The following RGS6 variants were observed in gnomAD, a reference collection of about 807,000 sequenced individuals.
RGS6 encodes regulator of G protein signaling 6.
Under a neutral mutation model 78.5 loss-of-function variants are expected in RGS6, and 30 were observed. The ratio of observed to expected loss-of-function variants is 0.38; its 90% confidence interval spans 0.29 to 0.52. The LOEUF (loss-of-function observed/expected upper bound fraction) is 0.52. Ranked by LOEUF, RGS6 falls within the 20% of genes least tolerant of loss-of-function variation. RGS6 has a pLI of 0.85. For synonymous variants in RGS6, 206 were observed against 206.0 expected, an observed-to-expected ratio of 1.00 and a Z score of 0.00; for missense variants, 495 against 609.7, an observed-to-expected ratio of 0.81 and a Z score of 1.98.
At chr14:72,462,710 C>T (rs1177730520) in intron 6 of RGS6, among the ~76,000 whole-genome samples, 1 of 152,194 alleles carries the variant, frequency 6.6e-6, no homozygotes, top group Non-Finnish European at 1.5e-5. Context: ...ATAGAGGAAA[C>T]TCTGCACTGG....
At chr14:72,044,599 G>A (rs1022874666) in intron 2 of RGS6, among the ~76,000 whole-genome samples, 9 of 152,122 alleles carry the variant, frequency 5.9e-5, no homozygotes, top group South Asian at 2.1e-4. Context: ...GGCTGGGTGC[G>A]GTGGCTCATG....
intron 2 of RGS6, among the ~76,000 whole-genome samples, chr14:72,037,197 A>G (rs949788455): frequency 1.3e-5 from 2 of 152,220 alleles, no homozygotes; most frequent in Non-Finnish European, 2.9e-5. Context: ...ACCAATCAGC[A>G]GGACATAGAT....
chr14:72,409,788 C>T (rs1302469591), intron 3 of RGS6, among the ~76,000 whole-genome samples: 1 of 152,036 alleles, frequency 6.6e-6, no homozygotes, highest in African/African-American at 2.4e-5. Context: ...TGTTCAGTTC[C>T]CACCTGTGAG....
chr14:71,868,279 C>T, the RGS6 span, among the ~76,000 whole-genome samples: 1 of 152,126 alleles, frequency 6.6e-6, no homozygotes, highest in Admixed American at 6.5e-5. Context: ...TAAACAGGAA[C>T]TGAACTTTAT....
intron 17 of RGS6, among the ~76,000 whole-genome samples, chr14:72,549,402 G>A (rs2097463822): frequency 6.6e-6 from 1 of 152,192 alleles, no homozygotes; most frequent in South Asian, 2.1e-4. Context: ...AGCACAGCCA[G>A]GGTGGCCATG....
intron 10 of RGS6, 35 bp from the exon 11 acceptor site, chr14:72,476,707 G>A (rs747541086): frequency 1.9e-6 from 3 of 1,592,786 alleles, no homozygotes; most frequent in East Asian, 4.5e-5. Context: ...CAATTCTGTG[G>A]GTGGATGATC....
chr14:71,974,975 AC>A (rs1397615873), intron 2 of RGS6, among the ~76,000 whole-genome samples: 1 of 152,194 alleles, frequency 6.6e-6, no homozygotes, highest in Non-Finnish European at 1.5e-5. Flanking sequence ...CAACATCTCT[AC>A]AAAAAGAAAG....
intron 2 of RGS6, among the ~76,000 whole-genome samples, chr14:72,318,468 ACACT>A (rs2070949982): frequency 1.3e-5 from 2 of 152,298 alleles, no homozygotes; most frequent in African/African-American, 2.4e-5. Flanking sequence ...AATCAAGTTG[ACACT>A]CAGTATTAGC....
At chr14:72,567,266 G>A (rs548058795), downstream of RGS6, among the ~76,000 whole-genome samples, 4 of 152,268 alleles carry the variant, frequency 2.6e-5, no homozygotes, top group African/African-American at 9.6e-5. Flanking sequence ...ACAGAGTTAA[G>A]ATCAAGTCAC....
chr14:72,237,337 A>G (rs558941300), intron 2 of RGS6, among the ~76,000 whole-genome samples: 2 of 152,302 alleles, frequency 1.3e-5, no homozygotes, highest in East Asian at 1.9e-4. Context: ...TTTTGTAGGC[A>G]TAAGCTTTCT....
At chr14:72,131,047 G>T (rs573232530) in intron 2 of RGS6, among the ~76,000 whole-genome samples, 1 of 152,340 alleles carries the variant, frequency 6.6e-6, no homozygotes, top group East Asian at 1.9e-4. Context: ...TTGACCGACT[G>T]TCTCCATCGT....
At chr14:72,142,236 C>T (rs1309894648) in intron 2 of RGS6, among the ~76,000 whole-genome samples, 1 of 151,810 alleles carries the variant, frequency 6.6e-6, no homozygotes, top group East Asian at 1.9e-4. Context: ...AATGGGCACA[C>T]CAGCTTTTAT....
At chr14:71,919,193 G>C in the RGS6 span, among the ~76,000 whole-genome samples, 2 of 152,278 alleles carry the variant, frequency 1.3e-5, no homozygotes, top group African/African-American at 4.8e-5. Flanking sequence ...CAGCCTCAGA[G>C]GGGGAGAAGA....
chr14:72,621,356 C>T, the RGS6 span, among the ~76,000 whole-genome samples: 1 of 151,858 alleles, frequency 6.6e-6, no homozygotes. Context: ...CTAGTTTCAG[C>T]TCTGTTCTAT....
At chr14:72,509,682 T>C (rs10148900) in intron 13 of RGS6, among the ~76,000 whole-genome samples, 2,033 of 152,336 alleles carry the variant, frequency 0.013, 41 homozygotes, top group African/African-American at 0.046. Flanking sequence ...TGTCAATACA[T>C]TTCTGACCAG....
chr14:72,233,475 T>C (rs1204053663), intron 2 of RGS6, among the ~76,000 whole-genome samples: 4 of 152,210 alleles, frequency 2.6e-5, no homozygotes, highest in Admixed American at 2.6e-4. Flanking sequence ...AGATGGCTTA[T>C]CAATGTGGAA....
chr14:71,897,834 A>G, the RGS6 span, among the ~76,000 whole-genome samples: 1 of 152,032 alleles, frequency 6.6e-6, no homozygotes, highest in South Asian at 2.1e-4. Flanking sequence ...GATTTTGTAA[A>G]AGAATGTTTA....
chr14:72,419,233 G>A (rs1313579347), intron 3 of RGS6, among the ~76,000 whole-genome samples: 1 of 152,204 alleles, frequency 6.6e-6, no homozygotes, highest in Non-Finnish European at 1.5e-5. Context: ...AGCATTTTTT[G>A]AGAGCTTGCT....
intron 3 of RGS6, among the ~76,000 whole-genome samples, chr14:72,372,773 A>G (rs1039447893): frequency 1.3e-5 from 2 of 152,280 alleles, no homozygotes; most frequent in African/African-American, 4.8e-5. Flanking sequence ...CAGGGTGTTA[A>G]CCTTCTCACT....
Sources: gnomAD v4.1 joint callset for allele counts (sites outside exome capture counted in the v4.1 genomes callset) on GRCh38, gnomAD v4.1.1 for gene constraint, MANE v1.5 for transcripts, NCBI Gene and HGNC (gene_info 2026-07-23, HGNC 2026-07-21) for gene names.